The following RNF157 variants were observed in gnomAD, a reference collection of about 807,000 sequenced individuals.
The protein encoded by RNF157 is E3 ubiquitin ligase RNF157.
RNF157 carries 55 observed loss-of-function variants against 88.3 expected under a neutral mutation model. That is an observed-to-expected ratio of 0.62 (90% CI 0.50 to 0.78). The LOEUF (loss-of-function observed/expected upper bound fraction) is 0.78. Ranked by LOEUF, RNF157 falls within the 30% of genes least tolerant of loss-of-function variation. RNF157 has a pLI of 0.00. For missense variants in RNF157, 788 were observed against 860.8 expected, an observed-to-expected ratio of 0.92 and a Z score of 1.06; for synonymous variants, 334 against 341.2, an observed-to-expected ratio of 0.98 and a Z score of 0.23.
intron 1 of RNF157, among the ~76,000 whole-genome samples, chr17:76,223,688 T>G (rs540978820): frequency 3.9e-4 from 59 of 152,314 alleles, no homozygotes; most frequent in African/African-American, 1.3e-3. Flanking sequence ...TTAAATATTG[T>G]GTTTTACATA....
chr17:76,237,442 T>C lies in RNF157; in HGVS notation c.88+2711A>G, dbSNP rs144952082. On this transcript the variant is annotated intron_variant, in intron 1 of 18. Transcript: ENST00000269391. ...AAGCTGACTCTGCCACTTGCTTTGT[T>C]CCACTGTTAGTACTCAGGATAAGGA... Among the ~76,000 whole-genome samples, 11 of 152,346 alleles carry C rather than the reference T, an allele frequency of 7.2e-5. No individual in the cohort carries two copies. In the East Asian group the frequency reaches 2.1e-3, roughly 29 times the overall value.
In RNF157 at chr17:76,180,396, C is replaced by T. The variant is rs2069170803; in HGVS notation, c.208-6606G>A. Among the ~76,000 whole-genome samples, 3 of 152,136 alleles carry T rather than the reference C, an allele frequency of 2.0e-5. No individual in the cohort carries two copies. In the South Asian group the frequency reaches 6.2e-4, roughly 32 times the overall value. On this transcript the variant is annotated intron_variant, in intron 2 of 18. Coordinates refer to ENST00000269391, the MANE Select transcript of RNF157 (RefSeq NM_052916.3). ...GATCCCCCTAATCTATTCATCTAAC[C>T]AGAAAACTCTGCCAAAAGAAAGCCC...
At position 76,145,268 on chromosome 17, in the gene RNF157, C is replaced by G; in HGVS notation, c.2007G>C (p.Thr669=). Residue 669 remains threonine, a synonymous_variant, in exon 19 of 19, where the codon ACG becomes ACC. Transcript: ENST00000269391. The part of the protein sequence containing the change: ...LSSSSLEDSE[T]RPCVWGPLAV ...CCAAAGGGCCCCACACACAGGGCCT[C>G]GTCTCAGAGTCCTCCAGGCTGCTGG... The G allele has an allele frequency of 6.2e-7, 1 of 1,607,874 alleles. No homozygotes were observed. The highest frequency in any genetic ancestry group is 8.5e-7 in the Non-Finnish European group (1 of 1,177,624).
rs2069925891 is a variant in RNF157 at position 76,218,367 on chromosome 17, C to A, written c.89-5885G>T. Among the ~76,000 whole-genome samples the A allele has an allele frequency of 2.0e-5, 3 of 152,152 alleles. No individual in the cohort carries two copies. The South Asian group carries it at 6.2e-4, about 32-fold the overall frequency. On this transcript the variant is annotated intron_variant, in intron 1 of 18. Transcript: ENST00000269391. ...TAAGGAATAAGCTTCCAGGCCAAGC[C>A]CAGTGGCTCACGCCTGCAATCCCAG... is the stretch of plus-strand genomic sequence containing the variant.
chr17:76,192,107 A>C (rs539247166), intron 2 of RNF157, among the ~76,000 whole-genome samples: 2 of 152,346 alleles, frequency 1.3e-5, no homozygotes, highest in African/African-American at 4.8e-5. Flanking sequence ...CAGGAAACAG[A>C]GGTGAGAGTG....
intron 1 of RNF157, among the ~76,000 whole-genome samples, chr17:76,221,819 G>A (rs1003964615): frequency 1.3e-5 from 2 of 152,166 alleles, no homozygotes; most frequent in African/African-American, 4.8e-5. Flanking sequence ...TCCTTACAAC[G>A]GAATATTATT....
At chr17:76,173,885 G>T (rs1423165895) in intron 2 of RNF157, 95 bp from the exon 3 acceptor site, 1 of 989,364 alleles carries the variant, frequency 1.0e-6, no homozygotes, top group Non-Finnish European at 1.5e-6. Flanking sequence ...CCTAAGAGGT[G>T]AGGCAGGAAG....
chr17:76,228,110 C>A (rs1435015280), intron 1 of RNF157, among the ~76,000 whole-genome samples: 1 of 151,854 alleles, frequency 6.6e-6, no homozygotes, highest in South Asian at 2.1e-4. Context: ...ATAAAAAAAA[C>A]CATTTATGGA....
intron 1 of RNF157, among the ~76,000 whole-genome samples, chr17:76,223,189 C>CTTT (rs753507516): frequency 3.0e-5 from 4 of 134,904 alleles, no homozygotes; most frequent in Non-Finnish European, 6.5e-5. Context: ...CGCACCCGGC[C>CTTT]TTTTTTTTTT....
intron 6 of RNF157, among the ~76,000 whole-genome samples, chr17:76,165,894 T>C (rs969270513): frequency 6.6e-6 from 1 of 152,078 alleles, no homozygotes; most frequent in African/African-American, 2.4e-5. Flanking sequence ...GTCAGGCTGG[T>C]CTCAAACTCT....
chr17:76,171,175 AGC>A (rs908335277), intron 3 of RNF157, among the ~76,000 whole-genome samples: 5 of 151,066 alleles, frequency 3.3e-5, no homozygotes, highest in Admixed American at 6.6e-5. Context: ...TACAGGCATG[AGC>A]CACTGCACCG....
chr17:76,211,219 G>A (rs1212626149), intron 2 of RNF157, among the ~76,000 whole-genome samples: 2 of 152,192 alleles, frequency 1.3e-5, no homozygotes, highest in African/African-American at 4.8e-5. Context: ...CGCAGTAGTT[G>A]CTCAGTAAAT....
intron 2 of RNF157, among the ~76,000 whole-genome samples, chr17:76,208,183 G>C (rs2069714209): frequency 6.6e-6 from 1 of 152,144 alleles, no homozygotes; most frequent in African/African-American, 2.4e-5. Flanking sequence ...TCGGCCTCCT[G>C]AGCAGCTGGG....
intron 14 of RNF157, 84 bp from the exon 15 acceptor site, chr17:76,155,818 G>A: frequency 8.3e-7 from 1 of 1,199,296 alleles, no homozygotes; most frequent in Non-Finnish European, 1.1e-6. Flanking sequence ...CCCTCTCCCT[G>A]CATTCAGGCA....
chr17:76,187,155 A>G (rs1261374905), intron 2 of RNF157, among the ~76,000 whole-genome samples: 1 of 151,890 alleles, frequency 6.6e-6, no homozygotes, highest in Non-Finnish European at 1.5e-5. Context: ...TATTCAATCA[A>G]TAACTCTAAT....
intron 9 of RNF157, 147 bp from the exon 10 acceptor site, chr17:76,162,149 T>G: frequency 1.3e-6 from 1 of 773,120 alleles, no homozygotes; most frequent in East Asian, 2.7e-5. Flanking sequence ...ATTTTCCCAG[T>G]GCGTCCACAC....
intron 3 of RNF157, among the ~76,000 whole-genome samples, chr17:76,171,530 G>A (rs2069014903): frequency 6.6e-6 from 1 of 152,040 alleles, no homozygotes; most frequent in Admixed American, 6.6e-5. Flanking sequence ...TACTTAATGG[G>A]GTTTTCAGAG....
At chr17:76,220,435 T>C (rs8068290) in intron 1 of RNF157, among the ~76,000 whole-genome samples, 20,345 of 149,930 alleles carry the variant, frequency 0.14, 2,017 homozygotes, top group African/African-American at 0.26. Context: ...AGTAAACCAA[T>C]TCATTATTTT....
At chr17:76,226,689 C>T in intron 1 of RNF157, 1 of 1,612,118 alleles carries the variant, frequency 6.2e-7, no homozygotes. Context: ...TGCTTGGCCA[C>T]CTCCACGTAG....
Sources: allele counts gnomAD v4.1 joint callset (sites outside exome capture counted in the v4.1 genomes callset), GRCh38; gene constraint gnomAD v4.1.1; transcripts MANE v1.5; gene names NCBI Gene and HGNC (gene_info 2026-07-23, HGNC 2026-07-21).